Variants in DENND6A observed in about 807,000 individuals in gnomAD.
DENND6A encodes DENN domain containing 6A, also known as protein DENND6A.
DENND6A carries 43 observed loss-of-function variants against 95.5 expected under a neutral mutation model. That is an observed-to-expected ratio of 0.45 (90% CI 0.35 to 0.58). The LOEUF (loss-of-function observed/expected upper bound fraction) is 0.58, where lower values mean the gene tolerates loss of function less well. Ranked by LOEUF, DENND6A falls within the 20% of genes least tolerant of loss-of-function variation. The pLI is 0.00. For missense variants in DENND6A, 574 were observed against 736.0 expected (o/e 0.78, Z 2.55); for synonymous variants, 257 against 260.4 (o/e 0.99, Z 0.13).
intron 9 of DENND6A, among the ~76,000 whole-genome samples, chr3:57,654,252 G>A (rs1170633113): frequency 6.6e-6 from 1 of 151,988 alleles, no homozygotes; most frequent in African/African-American, 2.4e-5. Context: ...ACCGTGCCCA[G>A]CCAGAAATTC....
intron 15 of DENND6A, among the ~76,000 whole-genome samples, chr3:57,631,879 C>T (rs2070687169): frequency 1.3e-5 from 2 of 150,680 alleles, no homozygotes; most frequent in Non-Finnish European, 3.0e-5. Flanking sequence ...CCCACCACCA[C>T]GCCCGGCTAA....
At chr3:57,663,192 TG>T (rs2071459554) in intron 5 of DENND6A, among the ~76,000 whole-genome samples, 3 of 140,812 alleles carry the variant, frequency 2.1e-5, no homozygotes, top group African/African-American at 8.0e-5. Flanking sequence ...ATAAGCCAGG[TG>T]CAGTAGCTCA....
At chr3:57,691,029 TA>T (rs1244959322) in intron 1 of DENND6A, among the ~76,000 whole-genome samples, 2 of 152,246 alleles carry the variant, frequency 1.3e-5, no homozygotes, top group Non-Finnish European at 2.9e-5. Context: ...ATAAGTCCTT[TA>T]ATAATTCACA....
intron 7 of DENND6A, among the ~76,000 whole-genome samples, chr3:57,660,456 G>A (rs1407647212): frequency 2.0e-5 from 3 of 152,146 alleles, no homozygotes; most frequent in Non-Finnish European, 2.9e-5. Flanking sequence ...GCTCACAGGT[G>A]TGATCACAGG....
intron 1 of DENND6A, among the ~76,000 whole-genome samples, chr3:57,680,553 G>A (rs2077155391): frequency 6.6e-6 from 1 of 152,164 alleles, no homozygotes; most frequent in South Asian, 2.1e-4. Flanking sequence ...TTGGACTTGT[G>A]AGCCTCCAGA....
At chr3:57,634,461 C>A in intron 14 of DENND6A, 97 bp downstream of exon 14, 3 of 553,696 alleles carry the variant, frequency 5.4e-6, no homozygotes, top group Non-Finnish European at 5.5e-6. Context: ...AGGAGAGATC[C>A]TATTTCACAT....
At position 57,630,440 on chromosome 3, in the gene DENND6A, A is replaced by C; in HGVS notation, c.1601T>G (p.Leu534Arg). Residue 534 changes from leucine (L) to arginine (R), a missense_variant, in exon 18 of 20, where the codon CTA (leucine) becomes CGA (arginine). Around this residue, in one of 2 missense-constraint regions of DENND6A, gnomAD observed 452 missense variants for 630.9 expected, o/e 0.72. Transcript: ENST00000311128. ...TCGAACCTCTTCACAAAGAGCTTCT[A>C]GATGGAGTGCCTCCAATTTTTGGGT... ...EMTQKLEALHLEALCEEDLLL... is the reference protein window; with the variant it reads ...EMTQKLEALHREALCEEDLLL... 6.3e-7 allele frequency: 1 copy of C among 1,590,748 alleles called. No individual in the cohort carries two copies. Among genetic ancestry groups the C allele is most frequent in the Non-Finnish European group, 8.5e-7 (1 of 1,175,080 alleles).
chr3:57,626,166 A>C lies in DENND6A; in HGVS notation c.*2048T>G, dbSNP rs1220987992. 4 of 152,582 alleles carry C rather than the reference A, an allele frequency of 2.6e-5. No homozygotes were observed. The highest frequency in any genetic ancestry group is 5.9e-5 in the Non-Finnish European group (4 of 68,020). 9.5% of individuals were successfully genotyped at this position (152,582 alleles called of 1,614,324 possible). ...TTCTTTCAAATGCCATATTCTCTCT[A>C]TGACTTTGAGGTATGCTTCAAGAGA... On this transcript the variant is annotated 3_prime_UTR_variant, in exon 20 of 20. Transcript: ENST00000311128.
chr3:57,692,848 G>A lies in DENND6A; in HGVS notation c.171C>T (p.Ser57=). 1.3e-6 allele frequency: 2 copies of A among 1,584,898 alleles called. No individual in the cohort carries two copies. Among genetic ancestry groups the A allele is most frequent in the East Asian group, 2.4e-5 (1 of 41,450 alleles). The part of the protein sequence containing the change: ...GRGRGLLRWD[S]FSAWLHCVCV... ...ACACGCAGTGCAGCCAGGCGGAGAA[G>A]CTGTCCCAGCGCAGCAGGCCCCGGC... The change falls in exon 1 of 20, where the codon AGC becomes AGT. Residue 57 remains serine (S), a synonymous_variant. Coordinates refer to ENST00000311128, the MANE Select transcript of DENND6A (RefSeq NM_152678.3).
chr3:57,656,339 G>C (rs1475475541), intron 9 of DENND6A, among the ~76,000 whole-genome samples: 1 of 152,088 alleles, frequency 6.6e-6, no homozygotes, highest in African/African-American at 2.4e-5. Flanking sequence ...TCACATTGTT[G>C]CATGTATCAA....
intron 11 of DENND6A, among the ~76,000 whole-genome samples, chr3:57,643,561 C>T (rs1220581156): frequency 4.6e-5 from 7 of 152,174 alleles, no homozygotes; most frequent in African/African-American, 1.7e-4. Context: ...GGCACGGTGG[C>T]TCACGTCTGT....
At chr3:57,667,452 T>C (rs1261458043) in intron 3 of DENND6A, among the ~76,000 whole-genome samples, 1 of 152,154 alleles carries the variant, frequency 6.6e-6, no homozygotes, top group East Asian at 1.9e-4. Context: ...CCACCACACC[T>C]GGCCTTAAAA....
chr3:57,672,475 T>C (rs1195580582), intron 1 of DENND6A, 37 bp from the exon 2 acceptor site: 3 of 1,588,666 alleles, frequency 1.9e-6, no homozygotes, highest in Non-Finnish European at 2.6e-6. Context: ...AAACATATTA[T>C]AAACATTAGT....
chr3:57,632,788 T>G (rs1483331111), intron 15 of DENND6A, among the ~76,000 whole-genome samples: 1 of 152,154 alleles, frequency 6.6e-6, no homozygotes, highest in Non-Finnish European at 1.5e-5. Context: ...AATATTTGAG[T>G]GCTACCATAT....
chr3:57,635,166 T>C (rs2070764759), intron 12 of DENND6A, among the ~76,000 whole-genome samples: 1 of 152,196 alleles, frequency 6.6e-6, no homozygotes, highest in South Asian at 2.1e-4. Flanking sequence ...AATTCTTAAA[T>C]GACTATGCAG....
At chr3:57,665,832 A>C in intron 4 of DENND6A, 1 of 274,448 alleles carries the variant, frequency 3.6e-6, no homozygotes, top group African/African-American at 2.2e-5. Context: ...GTACAACTCC[A>C]CTCCCACATC....
At chr3:57,688,904 G>C (rs189965621) in intron 1 of DENND6A, among the ~76,000 whole-genome samples, 1 of 152,176 alleles carries the variant, frequency 6.6e-6, no homozygotes, top group East Asian at 1.9e-4. Context: ...CAAAAATGCC[G>C]AATATTAATA....
At chr3:57,686,913 T>C (rs1381045370) in intron 1 of DENND6A, among the ~76,000 whole-genome samples, 1 of 152,168 alleles carries the variant, frequency 6.6e-6, no homozygotes, top group Admixed American at 6.5e-5. Context: ...AATCAAAAGC[T>C]AGAAATGATT....
rs534402751 is a variant in DENND6A at position 57,692,826 on chromosome 3, C to T, written c.193G>A (p.Val65Met). 9.1e-5 allele frequency: 143 copies of T among 1,579,050 alleles called. No homozygotes were observed. Among genetic ancestry groups the T allele is most frequent in the Non-Finnish European group, 1.2e-4 (139 of 1,166,560 alleles). ...WDSFSAWLHCVCVVGFDLELG... is the reference protein window; with the variant it reads ...WDSFSAWLHCMCVVGFDLELG... ...TCCAGGTCGAAGCCCACCACACACA[C>T]GCAGTGCAGCCAGGCGGAGAAGCTG... Residue 65 changes from valine (V) to methionine (M), a missense_variant, in exon 1 of 20, where the codon GTG becomes ATG. Coordinates refer to ENST00000311128, the MANE Select transcript of DENND6A (RefSeq NM_152678.3).
Sources: gnomAD v4.1 joint callset for allele counts (sites outside exome capture counted in the v4.1 genomes callset) on GRCh38, gnomAD v4.1.1 for gene constraint, gnomAD v4.1.1 regional missense constraint, MANE v1.5 for transcripts, NCBI Gene and HGNC (gene_info 2026-07-23, HGNC 2026-07-21) for gene names.